The following MTUS2 variants were observed in gnomAD, a reference collection of about 807,000 sequenced individuals.
MTUS2 encodes microtubule-associated tumor suppressor candidate 2.
In MTUS2, 40 loss-of-function variants were observed where a neutral mutation model predicts 114.1. That is an observed-to-expected ratio of 0.35 (90% CI 0.27 to 0.46). The LOEUF is 0.46. Ranked by LOEUF, MTUS2 falls within the 20% of genes least tolerant of loss-of-function variation. The pLI, the probability that MTUS2 is intolerant of heterozygous loss-of-function variation, is 1.00. For missense variants in MTUS2, 1,679 were observed against 1,705.4 expected (o/e 0.98, Z 0.27); for synonymous variants, 688 against 672.0 (o/e 1.02, Z -0.37).
chr13:28,972,409 G>A (rs1883898516), intron 2 of MTUS2, among the ~76,000 whole-genome samples: 1 of 152,204 alleles, frequency 6.6e-6, no homozygotes, highest in Non-Finnish European at 1.5e-5. Context: ...GGCCCTGTGA[G>A]GAGTCAGCTA....
At chr13:28,853,474 C>T (rs541659224) in intron 2 of MTUS2, among the ~76,000 whole-genome samples, 2 of 152,294 alleles carry the variant, frequency 1.3e-5, no homozygotes, top group South Asian at 2.1e-4. Context: ...TAAGGACTGA[C>T]ACAGATGGCC....
intron 4 of MTUS2, among the ~76,000 whole-genome samples, chr13:29,037,840 A>T (rs951856188): frequency 6.6e-5 from 10 of 152,050 alleles, no homozygotes; most frequent in African/African-American, 2.4e-5. Flanking sequence ...CGAAGTTTTC[A>T]TGCTGTGTTT....
intron 8 of MTUS2, among the ~76,000 whole-genome samples, chr13:29,390,211 G>A (rs1173427999): frequency 1.3e-5 from 2 of 150,988 alleles, no homozygotes; most frequent in Non-Finnish European, 3.0e-5. Context: ...TGGAGTGAAA[G>A]GACTAGACAT....
At chr13:29,274,971 CA>C (rs146076956) in intron 5 of MTUS2, among the ~76,000 whole-genome samples, 6,404 of 152,126 alleles carry the variant, frequency 0.042, 389 homozygotes, top group East Asian at 0.26. Context: ...TGGCCTCAAG[CA>C]ATTCTCCTGC....
chr13:29,359,189 A>G (rs917367486), intron 7 of MTUS2, 73 bp from the exon 8 acceptor site: 21 of 1,368,682 alleles, frequency 1.5e-5, no homozygotes, highest in Admixed American at 1.3e-4. Flanking sequence ...TCCTTGTGTA[A>G]TAAGAAGCCG....
chr13:29,478,862 G>GGT (rs1880926525), intron 9 of MTUS2, among the ~76,000 whole-genome samples: 5 of 152,074 alleles, frequency 3.3e-5, no homozygotes, highest in Admixed American at 6.5e-5. Context: ...CTGTGTGAAG[G>GGT]ATGTTAGGAC....
intron 5 of MTUS2, among the ~76,000 whole-genome samples, chr13:29,187,104 GC>G (rs908206738): frequency 1.7e-4 from 26 of 151,960 alleles, no homozygotes; most frequent in African/African-American, 6.3e-4. Flanking sequence ...ATGTGATACA[GC>G]TAAAGCAGTG....
intron 8 of MTUS2, among the ~76,000 whole-genome samples, chr13:29,375,594 T>TAAA (rs1203635915): frequency 2.5e-4 from 1 of 3,940 alleles, no homozygotes; most frequent in African/African-American, 5.6e-4. Context: ...TATACGTATA[T>TAAA]ATATATATAT....
chr13:29,321,421 T>TA (rs887164727), intron 6 of MTUS2, among the ~76,000 whole-genome samples: 11 of 152,134 alleles, frequency 7.2e-5, no homozygotes, highest in African/African-American at 2.2e-4. Context: ...GTCTAGATTG[T>TA]AAAAAAAATG....
chr13:29,070,087 G>T (rs1327753544), intron 4 of MTUS2, among the ~76,000 whole-genome samples: 1 of 152,164 alleles, frequency 6.6e-6, no homozygotes, highest in Non-Finnish European at 1.5e-5. Flanking sequence ...ATCTCATGCT[G>T]GAGAGAGGGG....
In MTUS2 at chr13:29,025,458, A is replaced by G. The variant is rs1886484719; in HGVS notation, c.760A>G (p.Ser254Gly). Residue 254 changes from serine (S) to glycine (G), a missense_variant, in exon 3 of 16, where the codon AGC becomes GGC. Coordinates refer to ENST00000612955, the MANE Select transcript of MTUS2 (RefSeq NM_001033602.4). ...ACCATCTACCTCAGAAAGCAAGCAG[A>G]GCACTCCCTCAGAGACCCAAACAGT... ...PKPSTSESKQ[S>G]TPSETQTVGA... 2 of 1,613,398 alleles carry G rather than the reference A, an allele frequency of 1.2e-6. No individual in the cohort carries two copies. The highest frequency in any genetic ancestry group is 1.3e-5 in the African/African-American group (1 of 75,036).
chr13:29,093,588 A>T (rs1890054879), intron 4 of MTUS2, among the ~76,000 whole-genome samples: 1 of 152,142 alleles, frequency 6.6e-6, no homozygotes, highest in Non-Finnish European at 1.5e-5. Flanking sequence ...AATACAGTTG[A>T]TTTCTGTATG....
chr13:28,834,538 A>G (rs1408692454), intron 1 of MTUS2, among the ~76,000 whole-genome samples: 2 of 152,154 alleles, frequency 1.3e-5, no homozygotes, highest in African/African-American at 2.4e-5. Flanking sequence ...TTAACTCAAA[A>G]TGGATTATTG....
Position 29,480,108 on chromosome 13 carries a change from T to C in MTUS2, c.3185-42T>C. ...GAGGCTGAGTCCTTCCCATGCCTCC[T>C]ACGGCCATTTTTTAAAGAAAGATCT... On this transcript the variant is annotated intron_variant, in intron 9 of 15. Coordinates refer to ENST00000612955, the MANE Select transcript of MTUS2 (RefSeq NM_001033602.4). The surrounding 1 kb of genome is among the most constrained non-coding windows in gnomAD (Gnocchi z 4.4). 1 of 1,547,130 alleles carries C rather than the reference T, an allele frequency of 6.5e-7. No homozygotes were observed. Among genetic ancestry groups the C allele is most frequent in the Non-Finnish European group, 8.7e-7 (1 of 1,143,896 alleles).
chr13:29,492,114 GTGTGTGTGTGTATGTGA>G (rs1882189970), intron 11 of MTUS2, among the ~76,000 whole-genome samples: 1 of 118,914 alleles, frequency 8.4e-6, no homozygotes, highest in African/African-American at 5.7e-5. Context: ...TATGTGTGTG[GTGTGTGTGTGTATGTGA>G]TGTGTGTGGT....
chr13:29,043,592 A>G (rs1296404102), intron 4 of MTUS2, among the ~76,000 whole-genome samples: 2 of 151,492 alleles, frequency 1.3e-5, no homozygotes, highest in African/African-American at 4.8e-5. Flanking sequence ...TAGTTTTAAT[A>G]GTAATTATTT....
At chr13:29,263,306 AGGTATAGACAAG>A (rs1897545677) in intron 5 of MTUS2, among the ~76,000 whole-genome samples, 1 of 152,142 alleles carries the variant, frequency 6.6e-6, no homozygotes, top group Non-Finnish European at 1.5e-5. Flanking sequence ...TCAGGGCATT[AGGTATAGACAAG>A]GGTGTGGTCT....
In MTUS2 at chr13:29,497,329, A is replaced by T. The variant is rs780615566; in HGVS notation, c.3671A>T (p.Gln1224Leu). Reference protein sequence around the residue: ...EEALRKNTEEQLEIALAPYQH... With the variant: ...EEALRKNTEELLEIALAPYQH... ...GCCTTGAGGAAGAACACAGAGGAGC[A>T]GCTGGAGGTCGTTTCTGGATTCCAG... The change falls in exon 13 of 16, where the codon CAG (glutamine) becomes CTG (leucine). Residue 1224 changes from glutamine (Q) to leucine (L), a missense_variant. By Grantham distance (113) the Gln-to-Leu change is moderately radical. Transcript: ENST00000612955. 1 of 1,611,110 alleles carries T rather than the reference A, an allele frequency of 6.2e-7. No homozygotes were observed. The highest frequency in any genetic ancestry group is 8.5e-7 in the Non-Finnish European group (1 of 1,179,458).
intron 2 of MTUS2, among the ~76,000 whole-genome samples, chr13:28,885,963 T>A (rs1183888400): frequency 6.6e-6 from 1 of 152,162 alleles, no homozygotes; most frequent in Non-Finnish European, 1.5e-5. Flanking sequence ...TGGGTGACAC[T>A]GGGCCACCTG....
Sources: allele counts gnomAD v4.1 joint callset (sites outside exome capture counted in the v4.1 genomes callset), GRCh38; gene constraint gnomAD v4.1.1; non-coding constraint Gnocchi (gnomAD v3.1); transcripts MANE v1.5; gene names NCBI Gene and HGNC (gene_info 2026-07-23, HGNC 2026-07-21).